The following ASZ1 variants were observed in gnomAD, a reference collection of about 807,000 sequenced individuals.
ASZ1 encodes ankyrin repeat, SAM and basic leucine zipper domain containing 1.
In ASZ1, 67 loss-of-function variants were observed where a neutral mutation model predicts 61.8. The ratio of observed to expected loss-of-function variants is 1.08; its 90% CI spans 0.89 to 1.33. ASZ1 has a LOEUF of 1.33. Ranked by LOEUF, ASZ1 falls within the 40% of genes most tolerant of loss-of-function variation. The pLI is 0.00. For missense variants in ASZ1, 577 were observed against 554.5 expected (o/e 1.04, Z -0.41); for synonymous variants, 193 against 192.7 (o/e 1.00, Z -0.01).
chr7:117,385,114 T>C (rs1796328305), intron 5 of ASZ1, among the ~76,000 whole-genome samples: 1 of 152,178 alleles, frequency 6.6e-6, no homozygotes, highest in African/African-American at 2.4e-5. Context: ...AATAAAATGA[T>C]TTATTTGCCA....
At chr7:117,421,338 G>A (rs546537899) in intron 3 of ASZ1, among the ~76,000 whole-genome samples, 19 of 152,078 alleles carry the variant, frequency 1.2e-4, no homozygotes, top group Admixed American at 3.9e-4. Context: ...TCAGCCTTCT[G>A]AGTAGTTGAG....
rs1044308636 is a variant in ASZ1 at position 117,426,826 on chromosome 7, T to A, written c.205+10A>T. On this transcript the variant is annotated intron_variant, in intron 2 of 12. Transcript: ENST00000284629. Reference sequence around the variant, plus strand: ...GCTGTGTTCAGATGAAACTGTCCCTTATCTCTCACCAGAATCTAGGAGCTC... The same window carrying A: ...GCTGTGTTCAGATGAAACTGTCCCTAATCTCTCACCAGAATCTAGGAGCTC... 2 of 1,590,876 alleles carry A rather than the reference T, an allele frequency of 1.3e-6. No individual in the cohort carries two copies. The highest frequency in any genetic ancestry group is 1.7e-6 in the Non-Finnish European group (2 of 1,171,952).
rs757218513 is a variant in ASZ1 at position 117,420,239 on chromosome 7, G to A, written c.364C>T (p.His122Tyr). The change falls in exon 4 of 13, where the codon CAT (histidine) becomes TAT (tyrosine). Residue 122 changes from histidine (H) to tyrosine (Y), a missense_variant. Coordinates refer to ENST00000284629, the MANE Select transcript of ASZ1 (RefSeq NM_130768.3). ...TTCAAGATCTGTTCCTCTGAGCCAT[G>A]AGCAGAACATGCAGTTATCAAAATA... ...QSILITACSA[H>Y]GSEEQILKCV... The A allele has an allele frequency of 6.2e-7, 1 of 1,612,696 alleles. No individual in the cohort carries two copies. Among genetic ancestry groups the A allele is most frequent in the Non-Finnish European group, 8.5e-7 (1 of 1,179,690 alleles).
In ASZ1 at chr7:117,420,273, A is replaced by G; in HGVS notation, c.330T>C (p.Asp110=). ...DRGANASFEK[D]KQSILITACS... ...ATGCAGTTATCAAAATACTTTGCTTATCTATAGTGAATAGAAAAGTGAGGA... is the reference window on the plus strand; with the variant it reads ...ATGCAGTTATCAAAATACTTTGCTTGTCTATAGTGAATAGAAAAGTGAGGA... The change falls in exon 4 of 13, where the codon GAT becomes GAC. Residue 110 remains aspartate, a splice_region_variant and synonymous_variant. Transcript: ENST00000284629. The G allele has an allele frequency of 6.2e-7, 1 of 1,607,968 alleles. No individual in the cohort carries two copies. Among genetic ancestry groups the G allele is most frequent in the Non-Finnish European group, 8.5e-7 (1 of 1,176,850 alleles).
intron 2 of ASZ1, among the ~76,000 whole-genome samples, chr7:117,423,745 TC>T (rs1797145146): frequency 6.8e-6 from 1 of 147,374 alleles, no homozygotes; most frequent in South Asian, 2.2e-4. Flanking sequence ...GCCTGTAGTC[TC>T]AGCTACTTGG....
chr7:117,368,789 T>C, intron 10 of ASZ1, 72 bp from the exon 11 acceptor site: 1 of 1,587,324 alleles, frequency 6.3e-7, no homozygotes, highest in South Asian at 1.2e-5. Flanking sequence ...ACTAGGCAAG[T>C]TACTGAAAAT....
chr7:117,406,196 T>A (rs940948767), intron 4 of ASZ1, among the ~76,000 whole-genome samples: 21 of 152,178 alleles, frequency 1.4e-4, no homozygotes, highest in African/African-American at 4.1e-4. Flanking sequence ...TAACCTAGAA[T>A]TCTATACCCA....
chr7:117,425,359 G>A (rs900464806), intron 2 of ASZ1, among the ~76,000 whole-genome samples: 2 of 127,478 alleles, frequency 1.6e-5, no homozygotes, highest in African/African-American at 2.9e-5. Flanking sequence ...TCCGCCTCCC[G>A]GGTTCACGCC....
At chr7:117,379,170 C>G (rs13229151) in intron 10 of ASZ1, among the ~76,000 whole-genome samples, 1 of 48,240 alleles carries the variant, frequency 2.1e-5, no homozygotes, top group Admixed American at 2.9e-4. Flanking sequence ...TATATATATA[C>G]ACACACACAC....
chr7:117,371,451 C>T (rs556159457), intron 10 of ASZ1, among the ~76,000 whole-genome samples: 2 of 152,212 alleles, frequency 1.3e-5, no homozygotes, highest in South Asian at 4.1e-4. Flanking sequence ...TTGCTTTCAA[C>T]AAGCAAACCT....
At chr7:117,410,812 A>G (rs1459155543) in intron 4 of ASZ1, among the ~76,000 whole-genome samples, 1 of 151,758 alleles carries the variant, frequency 6.6e-6, no homozygotes, top group Admixed American at 6.6e-5. Context: ...TTTAAAGCAT[A>G]GCCAAAGATA....
chr7:117,407,219 T>G (rs913683280), intron 4 of ASZ1, among the ~76,000 whole-genome samples: 1 of 152,118 alleles, frequency 6.6e-6, no homozygotes. Context: ...ACTATACACA[T>G]GCTCAAGAAA....
intron 6 of ASZ1, among the ~76,000 whole-genome samples, chr7:117,383,868 A>G (rs1360010220): frequency 6.6e-6 from 1 of 152,068 alleles, no homozygotes; most frequent in East Asian, 1.9e-4. Context: ...TTGAAATTCT[A>G]CAGGGCTGTA....
At chr7:117,407,282 T>C (rs1796802395) in intron 4 of ASZ1, among the ~76,000 whole-genome samples, 1 of 152,072 alleles carries the variant, frequency 6.6e-6, no homozygotes, top group African/African-American at 2.4e-5. Flanking sequence ...GAAGTAAGAA[T>C]TACTACATAC....
At chr7:117,416,351 C>A (rs1796991155) in intron 4 of ASZ1, among the ~76,000 whole-genome samples, 1 of 152,182 alleles carries the variant, frequency 6.6e-6, no homozygotes, top group Admixed American at 6.5e-5. Flanking sequence ...CTTTAAAATT[C>A]TGCCTAATGA....
chr7:117,381,352 G>A (rs1796247099), intron 8 of ASZ1, among the ~76,000 whole-genome samples: 1 of 151,944 alleles, frequency 6.6e-6, no homozygotes, highest in African/African-American at 2.4e-5. Flanking sequence ...ATAAAATTTG[G>A]CAGAAATTAT....
chr7:117,373,212 A>C (rs933608894), intron 10 of ASZ1, among the ~76,000 whole-genome samples: 2 of 152,146 alleles, frequency 1.3e-5, no homozygotes, highest in African/African-American at 4.8e-5. Context: ...ATCTAAAATT[A>C]GCAACAGAAT....
chr7:117,394,809 ACTCTTCTAC>A (rs1244209210), intron 4 of ASZ1, among the ~76,000 whole-genome samples: 1 of 151,802 alleles, frequency 6.6e-6, no homozygotes, highest in Non-Finnish European at 1.5e-5. Context: ...AGTCCCATCT[ACTCTTCTAC>A]CTCTTCTACA....
intron 7 of ASZ1, 64 bp from the exon 8 acceptor site, chr7:117,382,208 C>T: frequency 2.1e-6 from 2 of 958,460 alleles, no homozygotes; most frequent in Non-Finnish European, 3.3e-6. Flanking sequence ...GATAAATATA[C>T]ATTTATATTG....
Sources: gnomAD v4.1 joint callset for allele counts (sites outside exome capture counted in the v4.1 genomes callset) on GRCh38, gnomAD v4.1.1 for gene constraint, MANE v1.5 for transcripts, NCBI Gene and HGNC (gene_info 2026-07-23, HGNC 2026-07-21) for gene names.